TGFBR3: variants seen among roughly 807,000 people sequenced by gnomAD.
TGFBR3 encodes transforming growth factor beta receptor 3, also known as transforming growth factor beta receptor type 3.
In TGFBR3, 46 loss-of-function variants were observed where a neutral mutation model predicts 87.9. The observed-to-expected ratio is 0.52, with a 90% CI of 0.41 to 0.67. The LOEUF (loss-of-function observed/expected upper bound fraction) is 0.67, where lower values mean the gene tolerates loss of function less well. Among genes scored for constraint, TGFBR3 ranks in the 30% least tolerant of loss-of-function variants. The pLI, the probability that TGFBR3 is intolerant of heterozygous loss-of-function variation, is 0.00. For synonymous variants in TGFBR3, 381 were observed against 391.6 expected (o/e 0.97, Z 0.32); for missense variants, 866 against 1,041.9 (o/e 0.83, Z 2.32).
intron 16 of TGFBR3, among the ~76,000 whole-genome samples, chr1:91,689,856 A>AAAAAAAAAG (rs1557658228): frequency 6.7e-6 from 1 of 148,986 alleles, no homozygotes. Flanking sequence ...AAAAAAAAAA[A>AAAAAAAAAG]AAAAAAAAGC....
chr1:91,887,522 T>A (rs920788713), upstream of TGFBR3, among the ~76,000 whole-genome samples: 7 of 152,114 alleles, frequency 4.6e-5, no homozygotes, highest in African/African-American at 1.7e-4. Context: ...TGCCTTGGCC[T>A]CCCAAAGTGC....
chr1:91,719,204 C>T, intron 10 of TGFBR3, 108 bp downstream of exon 10: 1 of 1,475,782 alleles, frequency 6.8e-7, no homozygotes, highest in Non-Finnish European at 9.4e-7. Flanking sequence ...TTCTTCAGGC[C>T]TGGGGTGAAA....
chr1:91,865,414 C>T (rs924787858), intron 1 of TGFBR3, among the ~76,000 whole-genome samples: 1 of 151,306 alleles, frequency 6.6e-6, no homozygotes, highest in African/African-American at 2.4e-5. Context: ...AACAAACCTG[C>T]ACATTGTGCA....
intron 2 of TGFBR3, among the ~76,000 whole-genome samples, chr1:91,849,996 G>A (rs978775917): frequency 6.9e-6 from 1 of 144,562 alleles, no homozygotes; most frequent in Non-Finnish European, 1.5e-5. Flanking sequence ...GCAGGAGAAT[G>A]CATGAACCTG....
intron 3 of TGFBR3, among the ~76,000 whole-genome samples, chr1:91,760,929 T>C (rs1370311166): frequency 1.3e-5 from 2 of 152,366 alleles, no homozygotes; most frequent in East Asian, 1.9e-4. Context: ...GAAATCATCA[T>C]TTGTTCCAGT....
intron 1 of TGFBR3, among the ~76,000 whole-genome samples, chr1:91,883,658 G>GT (rs1393737276): frequency 6.6e-6 from 1 of 152,004 alleles, no homozygotes; most frequent in Non-Finnish European, 1.5e-5. Flanking sequence ...AACTATGTTG[G>GT]TGATTTTTAT....
intron 2 of TGFBR3, among the ~76,000 whole-genome samples, chr1:91,857,936 A>G (rs1381711051): frequency 6.6e-6 from 1 of 152,204 alleles, no homozygotes. Flanking sequence ...ATTCTTTCCA[A>G]ACAAATGATT....
Position 91,729,899 on chromosome 1 carries a change from G to T in TGFBR3, c.643C>A (p.Pro215Thr), listed in dbSNP as rs1193074839. ...SLNYLAEYLQPKAAEGCVMSS... is the reference protein window; with the variant it reads ...SLNYLAEYLQTKAAEGCVMSS... ...ATCACACACCCTTCTGCTGCTTTGG[G>T]TTGAAGGTACTCAGCAAGGTAATTG... is the stretch of plus-strand genomic sequence containing the variant. Residue 215 changes from proline to threonine, a missense_variant, in exon 6 of 17, where the codon CCC becomes ACC. Physicochemically the swap from Pro to Thr is conservative, Grantham distance 38 (BLOSUM62 -1). Transcript: ENST00000212355. The T allele has an allele frequency of 6.2e-7, 1 of 1,614,136 alleles. No individual in the cohort carries two copies. Among genetic ancestry groups the T allele is most frequent in the East Asian group, 2.2e-5 (1 of 44,866 alleles).
intron 1 of TGFBR3, among the ~76,000 whole-genome samples, chr1:91,869,686 T>C (rs1045573072): frequency 6.6e-6 from 1 of 151,712 alleles, no homozygotes; most frequent in Non-Finnish European, 1.5e-5. Flanking sequence ...AAAGAAAAAA[T>C]AGTACAGCAG....
At chr1:91,862,567 T>A (rs1259322256) in intron 1 of TGFBR3, among the ~76,000 whole-genome samples, 1 of 152,190 alleles carries the variant, frequency 6.6e-6, no homozygotes, top group East Asian at 1.9e-4. Context: ...GAGTCTTCAA[T>A]GAGAGTTTTG....
In TGFBR3 at chr1:91,719,417, G is replaced by A. The variant is rs773434398; in HGVS notation, c.1461C>T (p.Cys487=). 2 of 1,614,178 alleles carry A rather than the reference G, an allele frequency of 1.2e-6. No individual in the cohort carries two copies. The highest frequency in any genetic ancestry group is 1.1e-5 in the South Asian group (1 of 91,086). Residue 487 remains cysteine (C), a synonymous_variant, in exon 10 of 17, where the codon TGC becomes TGT. Transcript: ENST00000212355. ...AGTGTGTGCCATTCATCTTGGCCTTGCAGGTAGGATCCAACAGGGTGACGT... is the reference window on the plus strand; with the variant it reads ...AGTGTGTGCCATTCATCTTGGCCTTACAGGTAGGATCCAACAGGGTGACGT... ...GMDVTLLDPT[C]KAKMNGTHFV...
At chr1:91,890,034 T>A (rs910506394), upstream of TGFBR3, among the ~76,000 whole-genome samples, 1 of 152,182 alleles carries the variant, frequency 6.6e-6, no homozygotes, top group Non-Finnish European at 1.5e-5. Context: ...TAATTTCTCA[T>A]GGAGAACTGC....
At chr1:91,874,100 C>G (rs1678691441) in intron 1 of TGFBR3, among the ~76,000 whole-genome samples, 1 of 152,056 alleles carries the variant, frequency 6.6e-6, no homozygotes, top group Non-Finnish European at 1.5e-5. Context: ...TTCATTCTAG[C>G]TAAAGGAGAC....
intron 1 of TGFBR3, among the ~76,000 whole-genome samples, chr1:91,877,129 A>G (rs958240420): frequency 6.6e-6 from 1 of 152,012 alleles, no homozygotes; most frequent in African/African-American, 2.4e-5. Flanking sequence ...AAAACACGTA[A>G]ATCCCCTATT....
chr1:91,754,490 T>TTTCAAG (rs1260837144), intron 4 of TGFBR3, among the ~76,000 whole-genome samples: 4 of 152,188 alleles, frequency 2.6e-5, no homozygotes, highest in Non-Finnish European at 5.9e-5. Context: ...GATTCACTAC[T>TTTCAAG]TGAAACTCAG....
intron 6 of TGFBR3, among the ~76,000 whole-genome samples, chr1:91,728,409 G>A (rs540697622): frequency 6.6e-6 from 1 of 152,192 alleles, no homozygotes; most frequent in East Asian, 1.9e-4. Context: ...CTGGATATAA[G>A]GTTATTAAAA....
At chr1:91,731,184 G>A (rs1381042965) in intron 5 of TGFBR3, among the ~76,000 whole-genome samples, 1 of 152,222 alleles carries the variant, frequency 6.6e-6, no homozygotes, top group African/African-American at 2.4e-5. Context: ...CAGGATGCCA[G>A]GGTTCAAGTC....
intron 3 of TGFBR3, among the ~76,000 whole-genome samples, chr1:91,765,225 A>C (rs929248529): frequency 2.0e-5 from 3 of 149,570 alleles, no homozygotes; most frequent in Non-Finnish European, 3.0e-5. Flanking sequence ...CAAGGGCAGA[A>C]ACTGAGTCAC....
chr1:91,857,250 C>T (rs1677990968), intron 2 of TGFBR3, among the ~76,000 whole-genome samples: 1 of 152,100 alleles, frequency 6.6e-6, no homozygotes, highest in Non-Finnish European at 1.5e-5. Flanking sequence ...ATAAAATCCA[C>T]AAGCCTCATT....
Sources: allele counts gnomAD v4.1 joint callset (sites outside exome capture counted in the v4.1 genomes callset), GRCh38; gene constraint gnomAD v4.1.1; transcripts MANE v1.5; gene names NCBI Gene and HGNC (gene_info 2026-07-23, HGNC 2026-07-21).